Variants in RANBP2 observed in about 807,000 individuals in gnomAD.
RANBP2 encodes the protein RAN binding protein 2.
A neutral mutation model predicts 303.6 loss-of-function variants in RANBP2; 57 were observed. The observed-to-expected ratio is 0.19, with a 90% confidence interval of 0.15 to 0.23. RANBP2 has a LOEUF of 0.23. RANBP2 is among the 10% of genes least tolerant of loss of function. The probability of loss-of-function intolerance (pLI) is 1.00; values close to 1 mark genes in which losing one functional copy is unlikely to be tolerated. For synonymous variants in RANBP2, 1,167 were observed against 1,301.5 expected, an observed-to-expected ratio of 0.90 and a Z score of 2.23; for missense variants, 3,138 against 3,780.8, an observed-to-expected ratio of 0.83 and a Z score of 4.46.
At chr2:109,254,360 C>A in the RANBP2 span, among the ~76,000 whole-genome samples, 5 of 152,282 alleles carry the variant, frequency 3.3e-5, no homozygotes, top group East Asian at 9.7e-4. Flanking sequence ...GTTGGCCTCT[C>A]TGTGCCTCAG....
chr2:109,329,642 G>C, the RANBP2 span, among the ~76,000 whole-genome samples: 1 of 152,240 alleles, frequency 6.6e-6, no homozygotes, highest in African/African-American at 2.4e-5. Flanking sequence ...CTTTAGCAGA[G>C]AGATTTGCAC....
the RANBP2 span, among the ~76,000 whole-genome samples, chr2:109,686,475 A>G: frequency 6.6e-6 from 1 of 151,630 alleles, no homozygotes; most frequent in African/African-American, 2.4e-5. Flanking sequence ...CCACCATGCC[A>G]GGCTAATTTT....
At chr2:109,666,476 C>A in the RANBP2 span, among the ~76,000 whole-genome samples, 1 of 152,174 alleles carries the variant, frequency 6.6e-6, no homozygotes, top group Non-Finnish European at 1.5e-5. Context: ...TAGAGCACAA[C>A]TTTCAACTTA....
At chr2:109,482,529 C>G in the RANBP2 span, among the ~76,000 whole-genome samples, 1 of 152,168 alleles carries the variant, frequency 6.6e-6, no homozygotes, top group Non-Finnish European at 1.5e-5. Context: ...TCCCTGACAC[C>G]GTGGTGAACT....
chr2:109,662,507 GATTTTGT>G, the RANBP2 span, among the ~76,000 whole-genome samples: 1 of 151,748 alleles, frequency 6.6e-6, no homozygotes, highest in African/African-American at 2.4e-5. Flanking sequence ...TTTAGTAGTA[GATTTTGT>G]ATTTTGTATT....
chr2:108,735,919 A>G (rs1348366858), intron 5 of RANBP2, among the ~76,000 whole-genome samples, 157 bp downstream of exon 5: 1 of 152,228 alleles, frequency 6.6e-6, no homozygotes, highest in Non-Finnish European at 1.5e-5. Flanking sequence ...TAAATTTATA[A>G]TGGGAAGATT....
chr2:109,542,320 G>GA, the RANBP2 span, among the ~76,000 whole-genome samples: 1 of 152,186 alleles, frequency 6.6e-6, no homozygotes, highest in South Asian at 2.1e-4. Context: ...AAGCAGGAGT[G>GA]AGGCTTTCTC....
the RANBP2 span, among the ~76,000 whole-genome samples, chr2:108,802,109 C>T: frequency 1.9e-4 from 27 of 144,372 alleles, no homozygotes; most frequent in South Asian, 1.4e-3. Context: ...CTTGGCGATG[C>T]GGGCTCTTTT....
chr2:109,184,216 A>T, the RANBP2 span, among the ~76,000 whole-genome samples: 20 of 151,934 alleles, frequency 1.3e-4, no homozygotes, highest in African/African-American at 3.9e-4. Context: ...GAATTTCTAC[A>T]CTCCCTTGGG....
At chr2:108,880,778 C>T in the RANBP2 span, among the ~76,000 whole-genome samples, 3 of 152,184 alleles carry the variant, frequency 2.0e-5, no homozygotes, top group Non-Finnish European at 4.4e-5. Context: ...GAAAACATTA[C>T]CACTTACTAA....
the RANBP2 span, chr2:109,567,856 T>C: frequency 2.0e-5 from 33 of 1,613,046 alleles, no homozygotes; most frequent in Admixed American, 3.3e-5. Flanking sequence ...TCATCATCCG[T>C]TGGGAACTGG....
At chr2:109,626,426 G>A in the RANBP2 span, among the ~76,000 whole-genome samples, 6 of 151,664 alleles carry the variant, frequency 4.0e-5, no homozygotes, top group African/African-American at 1.2e-4. Flanking sequence ...CTGAGATTCC[G>A]CCACTGCACT....
the RANBP2 span, among the ~76,000 whole-genome samples, chr2:109,554,866 C>A: frequency 6.6e-6 from 1 of 152,156 alleles, no homozygotes; most frequent in Non-Finnish European, 1.5e-5. Flanking sequence ...ACTAGAGTCA[C>A]TGGAATCACT....
the RANBP2 span, among the ~76,000 whole-genome samples, chr2:109,318,978 G>C: frequency 2.4e-4 from 36 of 152,234 alleles, no homozygotes; most frequent in African/African-American, 7.7e-4. Flanking sequence ...TCAAGTGTCT[G>C]TCCCAGAACA....
the RANBP2 span, among the ~76,000 whole-genome samples, chr2:109,442,595 A>C: frequency 6.6e-6 from 1 of 152,212 alleles, no homozygotes; most frequent in Non-Finnish European, 1.5e-5. Context: ...GGGAAGGGAG[A>C]AGTGGAAGTT....
At chr2:109,508,088 C>T in the RANBP2 span, among the ~76,000 whole-genome samples, 1 of 152,116 alleles carries the variant, frequency 6.6e-6, no homozygotes, top group Non-Finnish European at 1.5e-5. Context: ...AGCAGATTTC[C>T]CCATCTTACA....
chr2:109,563,150 G>A, the RANBP2 span, among the ~76,000 whole-genome samples: 1 of 151,956 alleles, frequency 6.6e-6, no homozygotes, highest in African/African-American at 2.4e-5. Context: ...ACCTCAAGTG[G>A]TCTGCCCGCC....
the RANBP2 span, among the ~76,000 whole-genome samples, chr2:109,135,066 C>T: frequency 7.7e-4 from 117 of 152,350 alleles, 1 homozygote; most frequent in African/African-American, 2.6e-3. Context: ...CATCCCTACC[C>T]AGTAGGTCTC....
chr2:108,931,593 G>T, the RANBP2 span, among the ~76,000 whole-genome samples: 3 of 152,200 alleles, frequency 2.0e-5, no homozygotes, highest in Non-Finnish European at 4.4e-5. Flanking sequence ...TAAGTGATTT[G>T]CCCCAGGTCA....
Sources: gnomAD v4.1 joint callset for allele counts (sites outside exome capture counted in the v4.1 genomes callset) on GRCh38, gnomAD v4.1.1 for gene constraint, MANE v1.5 for transcripts, NCBI Gene and HGNC (gene_info 2026-07-23, HGNC 2026-07-21) for gene names.